PRKD1: variants seen among roughly 807,000 people sequenced by gnomAD.
The protein encoded by PRKD1 is serine/threonine-protein kinase D1.
In PRKD1, 63 loss-of-function variants were observed where a neutral mutation model predicts 95.9. The ratio of observed to expected loss-of-function variants is 0.66; its 90% CI spans 0.54 to 0.81. The LOEUF (loss-of-function observed/expected upper bound fraction) is 0.81. Among genes scored for constraint, PRKD1 ranks in the 30% least tolerant of loss-of-function variants. PRKD1 has a pLI of 0.00. For synonymous variants in PRKD1, 425 were observed against 423.1 expected (o/e 1.00, Z -0.05); for missense variants, 1,048 against 1,165.3 (o/e 0.90, Z 1.47).
At chr14:29,689,701 T>C (rs140424776) in intron 2 of PRKD1, among the ~76,000 whole-genome samples, 2 of 152,198 alleles carry the variant, frequency 1.3e-5, no homozygotes, top group East Asian at 3.9e-4. Context: ...CTCTTTACAA[T>C]AGCAAGACAT....
chr14:29,774,191 T>C (rs1362832800), intron 1 of PRKD1, among the ~76,000 whole-genome samples: 1 of 152,154 alleles, frequency 6.6e-6, no homozygotes, highest in African/African-American at 2.4e-5. Context: ...GACAGGAAGC[T>C]AGTGTGGCAC....
chr14:29,687,423 A>G (rs905511478), intron 2 of PRKD1, among the ~76,000 whole-genome samples: 30 of 152,342 alleles, frequency 2.0e-4, no homozygotes, highest in African/African-American at 6.7e-4. Context: ...TCTTCACAGT[A>G]GCTCTATCAG....
chr14:29,841,489 A>G (rs1891844013), intron 1 of PRKD1, among the ~76,000 whole-genome samples: 1 of 152,166 alleles, frequency 6.6e-6, no homozygotes, highest in Admixed American at 6.5e-5. Flanking sequence ...TGTGGTTCTC[A>G]TAATAGTGAA....
chr14:29,879,129 A>G (rs1893408582), intron 1 of PRKD1, among the ~76,000 whole-genome samples: 1 of 152,102 alleles, frequency 6.6e-6, no homozygotes, highest in African/African-American at 2.4e-5. Context: ...GCTCTCCACC[A>G]AGGACATCAC....
At chr14:29,603,902 C>A (rs1893610018) in intron 13 of PRKD1, among the ~76,000 whole-genome samples, 1 of 152,020 alleles carries the variant, frequency 6.6e-6, no homozygotes, top group African/African-American at 2.4e-5. Flanking sequence ...TGGCCAAGTA[C>A]AGGAAAAAAT....
At chr14:29,889,223 T>C (rs1893850743) in intron 1 of PRKD1, among the ~76,000 whole-genome samples, 1 of 152,192 alleles carries the variant, frequency 6.6e-6, no homozygotes, top group African/African-American at 2.4e-5. Flanking sequence ...CTCCACTCAG[T>C]TGTCACCTCT....
chr14:29,801,107 C>T (rs906459415), intron 1 of PRKD1, among the ~76,000 whole-genome samples: 1 of 151,860 alleles, frequency 6.6e-6, no homozygotes, highest in Non-Finnish European at 1.5e-5. Context: ...GTAAATGTCT[C>T]ATGCCATTGT....
intron 1 of PRKD1, among the ~76,000 whole-genome samples, chr14:29,816,567 C>T (rs1890701957): frequency 6.6e-6 from 1 of 152,194 alleles, no homozygotes; most frequent in Non-Finnish European, 1.5e-5. Context: ...TGAAGTCCAA[C>T]ATATGAACTT....
Position 29,577,273 on chromosome 14 carries a change from T to G in PRKD1, c.2704A>C (p.Met902Leu), listed in dbSNP as rs753411631. Reference protein sequence around the residue: ...SDTPETEETEMKALGERVSIL With the variant: ...SDTPETEETELKALGERVSIL ...CTGACACGCTCACCGAGGGCTTTCA[T>G]TTCTGTTTCTTCAGTCTCAGGAGTG... Residue 902 changes from methionine (M) to leucine (L), a missense_variant, in exon 18 of 18, where the codon ATG (methionine) becomes CTG (leucine). Transcript: ENST00000331968. 3 of 1,613,610 alleles carry G rather than the reference T, an allele frequency of 1.9e-6. No homozygotes were observed. The East Asian group carries it at 6.7e-5, about 36-fold the overall frequency.
intron 13 of PRKD1, among the ~76,000 whole-genome samples, chr14:29,613,581 A>C (rs1226272381): frequency 6.6e-6 from 1 of 152,212 alleles, no homozygotes; most frequent in Admixed American, 6.5e-5. Flanking sequence ...CATTATGCTA[A>C]GGCATGTTCA....
chr14:29,742,669 C>T (rs1015212451), intron 1 of PRKD1, among the ~76,000 whole-genome samples: 1 of 152,008 alleles, frequency 6.6e-6, no homozygotes, highest in South Asian at 2.1e-4. Context: ...TTTAGGATAC[C>T]GTAAAAAATG....
At chr14:29,813,632 G>A (rs1315279764) in intron 1 of PRKD1, among the ~76,000 whole-genome samples, 3 of 152,130 alleles carry the variant, frequency 2.0e-5, no homozygotes, top group African/African-American at 7.2e-5. Context: ...ACTGTTAGAT[G>A]AGGTAATGGA....
chr14:29,585,365 G>T (rs1249949597), intron 16 of PRKD1, among the ~76,000 whole-genome samples: 1 of 152,104 alleles, frequency 6.6e-6, no homozygotes, highest in East Asian at 1.9e-4. Context: ...TTAGAGACTC[G>T]AGTCGGCATC....
At chr14:29,825,365 G>A (rs1333526526) in intron 1 of PRKD1, among the ~76,000 whole-genome samples, 1 of 152,064 alleles carries the variant, frequency 6.6e-6, no homozygotes, top group Non-Finnish European at 1.5e-5. Context: ...ACTTTAAGAC[G>A]TAGTCACTGG....
intron 1 of PRKD1, among the ~76,000 whole-genome samples, chr14:29,816,194 G>T (rs1890686764): frequency 6.6e-6 from 1 of 152,062 alleles, no homozygotes; most frequent in South Asian, 2.1e-4. Flanking sequence ...ATCCAGCCTG[G>T]GCAACAGAGC....
intron 1 of PRKD1, among the ~76,000 whole-genome samples, chr14:29,835,937 C>T (rs747300195): frequency 6.6e-6 from 1 of 152,168 alleles, no homozygotes; most frequent in Non-Finnish European, 1.5e-5. Context: ...GACCCCTTTT[C>T]ATAGTTCAAG....
chr14:29,653,554 C>T (rs1213729684), intron 4 of PRKD1, among the ~76,000 whole-genome samples: 1 of 152,038 alleles, frequency 6.6e-6, no homozygotes, highest in Non-Finnish European at 1.5e-5. Flanking sequence ...CTTCATTTTC[C>T]ACCTTGACTT....
intron 2 of PRKD1, among the ~76,000 whole-genome samples, chr14:29,692,396 T>G (rs1193123062): frequency 2.0e-5 from 3 of 152,148 alleles, no homozygotes; most frequent in Admixed American, 1.3e-4. Flanking sequence ...TTGACCTCAG[T>G]TGTAATACTG....
rs114943310 is a variant in PRKD1 at position 29,590,511 on chromosome 14, G to A, written c.2434+6980C>T. 1.0e-2 allele frequency among the ~76,000 whole-genome samples: 1,516 copies of A among 152,144 alleles called. 19 individuals are homozygous for A. Among genetic ancestry groups the A allele is most frequent in the East Asian group, 0.046 (236 of 5,166 alleles). On this transcript the variant is annotated intron_variant, in intron 16 of 17. Coordinates refer to ENST00000331968, the MANE Select transcript of PRKD1 (RefSeq NM_002742.3). ...ACTCGGTGGATGTGAGAGCTTTTAC[G>A]GCTCCCTTCACTTCTTTGTTCTCCT...
Sources: allele counts gnomAD v4.1 joint callset (sites outside exome capture counted in the v4.1 genomes callset), GRCh38; gene constraint gnomAD v4.1.1; transcripts MANE v1.5; gene names NCBI Gene and HGNC (gene_info 2026-07-23, HGNC 2026-07-21).